The following TIAM2 variants were observed in gnomAD, a reference collection of about 807,000 sequenced individuals.
TIAM2 encodes TIAM Rac1 associated GEF 2.
TIAM2 carries 80 observed loss-of-function variants against 152.9 expected under a neutral mutation model. The ratio of observed to expected loss-of-function variants is 0.52; its 90% CI spans 0.44 to 0.63. The LOEUF (loss-of-function observed/expected upper bound fraction) is 0.63, where lower values mean the gene tolerates loss of function less well. Among genes scored for constraint, TIAM2 ranks in the 30% least tolerant of loss-of-function variants. The pLI is 0.00. For missense variants in TIAM2, 1,965 were observed against 2,120.1 expected, an observed-to-expected ratio of 0.93 and a Z score of 1.44; for synonymous variants, 804 against 838.0, an observed-to-expected ratio of 0.96 and a Z score of 0.70.
intron 1 of TIAM2, among the ~76,000 whole-genome samples, chr6:155,030,013 C>T (rs1334850311): frequency 2.0e-5 from 3 of 151,968 alleles, no homozygotes; most frequent in Non-Finnish European, 2.9e-5. Flanking sequence ...AGGCTGGTCT[C>T]GAACCCTGGG....
At chr6:155,236,288 G>T (rs1457205072) in intron 15 of TIAM2, among the ~76,000 whole-genome samples, 1 of 151,850 alleles carries the variant, frequency 6.6e-6, no homozygotes, top group Non-Finnish European at 1.5e-5. Flanking sequence ...AATCCAAGCA[G>T]AACGCGAGCT....
chr6:155,016,305 G>A (rs1778579595), intron 1 of TIAM2: 2 of 152,152 alleles, frequency 1.3e-5, no homozygotes, highest in Non-Finnish European at 2.9e-5. Flanking sequence ...GATGTCACAC[G>A]TCCATGCCTT....
In TIAM2 at chr6:155,129,966, C is replaced by T; in HGVS notation, c.743C>T (p.Ser248Phe). ...SKGSSLSSES[S>F]WYDSPWGNAG... Reference sequence around the variant, plus strand: ...GGCAGCTCCCTGAGTTCTGAGTCATCCTGGTACGACTCCCCTTGGGGCAAT... The same window carrying T: ...GGCAGCTCCCTGAGTTCTGAGTCATTCTGGTACGACTCCCCTTGGGGCAAT... Residue 248 changes from serine (S) to phenylalanine (F), a missense_variant, in exon 4 of 27, where the codon TCC (serine) becomes TTC (phenylalanine). By Grantham distance (155) the Ser-to-Phe change is radical (BLOSUM62 -2). Around this residue, in one of 3 missense-constraint regions of TIAM2, gnomAD observed 1,025 missense variants for 1,119.4 expected, o/e 0.92. Transcript: ENST00000682666. This position sits in a 1 kb window ranked among gnomAD's most constrained non-coding sequence, Gnocchi z 4.8. The T allele has an allele frequency of 6.2e-7, 1 of 1,614,102 alleles. No homozygotes were observed. The highest frequency in any genetic ancestry group is 1.6e-4 in the Middle Eastern group (1 of 6,062).
intron 9 of TIAM2, among the ~76,000 whole-genome samples, chr6:155,166,128 C>T (rs568691837): frequency 8.6e-5 from 13 of 151,718 alleles, no homozygotes; most frequent in Non-Finnish European, 1.8e-4. Flanking sequence ...TTTTGTCATC[C>T]CATTTTAGAG....
intron 19 of TIAM2, 90 bp from the exon 20 acceptor site, chr6:155,247,910 A>G (rs1783427905): frequency 1.4e-6 from 2 of 1,453,698 alleles, no homozygotes; most frequent in East Asian, 2.3e-5. Flanking sequence ...GGACTATAGA[A>G]ATAGATGATC....
chr6:155,010,785 C>T (rs1020965057), intron 1 of TIAM2, among the ~76,000 whole-genome samples: 1 of 150,672 alleles, frequency 6.6e-6, no homozygotes, highest in Non-Finnish European at 1.5e-5. Context: ...CGCGGTGGCT[C>T]ATGTTGGCCA....
At chr6:155,048,208 C>T (rs116435024) in intron 1 of TIAM2, among the ~76,000 whole-genome samples, 1,936 of 152,240 alleles carry the variant, frequency 0.013, 22 homozygotes, top group African/African-American at 0.031. Flanking sequence ...CTGACTTGGA[C>T]TCCTGAAGTG....
At chr6:155,073,100 A>G (rs1777876663) in intron 1 of TIAM2, among the ~76,000 whole-genome samples, 1 of 151,876 alleles carries the variant, frequency 6.6e-6, no homozygotes, top group Admixed American at 6.6e-5. Context: ...AGGACTTTAT[A>G]AAGAATTATC....
rs1460187107 is a variant in TIAM2 at position 155,118,968 on chromosome 6, C to T, written c.-117-8522C>T. ...GGCCATCTTTAAAAAAAAAAAAAAT[C>T]TTGTACTTACTGTCTGTATCTGAAG... On this transcript the variant is annotated intron_variant, in intron 2 of 26. Transcript: ENST00000682666. Among the ~76,000 whole-genome samples, 3 of 150,768 alleles carry T rather than the reference C, an allele frequency of 2.0e-5. No individual in the cohort carries two copies. In the East Asian group the frequency reaches 5.9e-4, roughly 29 times the overall value.
intron 2 of TIAM2, among the ~76,000 whole-genome samples, chr6:155,123,377 C>T (rs2115027029): frequency 6.6e-6 from 1 of 152,310 alleles, no homozygotes; most frequent in East Asian, 1.9e-4. Context: ...AGGATTCCCG[C>T]CCTTGGTCTG....
intron 21 of TIAM2, among the ~76,000 whole-genome samples, chr6:155,250,321 A>G (rs1020754495): frequency 7.4e-6 from 1 of 135,760 alleles, no homozygotes; most frequent in Admixed American, 7.7e-5. Flanking sequence ...AACATCAAAT[A>G]TTGGTGGTTA....
intron 2 of TIAM2, chr6:155,121,772 C>T (rs1296552967): frequency 2.0e-5 from 3 of 152,262 alleles, no homozygotes; most frequent in African/African-American, 7.2e-5. Flanking sequence ...GGTAGTAGCA[C>T]TTGCGCTTCC....
intron 18 of TIAM2, 40 bp from the exon 19 acceptor site, chr6:155,245,583 T>G (rs1404296318): frequency 5.2e-6 from 8 of 1,537,606 alleles, no homozygotes; most frequent in East Asian, 2.2e-5. Flanking sequence ...ACGCATTGAT[T>G]AAACCATGTC....
At chr6:155,251,803 T>C in intron 22 of TIAM2, 142 bp from the exon 23 acceptor site, 1 of 669,090 alleles carries the variant, frequency 1.5e-6, no homozygotes, top group Non-Finnish European at 2.6e-6. Flanking sequence ...GGAAGTACCA[T>C]TTATTCACTC....
chr6:155,018,125 C>T (rs1005343533), intron 1 of TIAM2, among the ~76,000 whole-genome samples: 1 of 151,714 alleles, frequency 6.6e-6, no homozygotes, highest in African/African-American at 2.4e-5. Flanking sequence ...GTAATCCTAG[C>T]ACTTTGGAGG....
At position 155,094,486 on chromosome 6, in the gene TIAM2, C is replaced by A. The variant is rs2114984477; in HGVS notation, c.-118+4107C>A. Reference sequence around the variant, plus strand: ...AGTATACTTGTAGAAGTCTAACTTGCAAACAAGTGGTTTCTGTGTCTTTAG... The same window carrying A: ...AGTATACTTGTAGAAGTCTAACTTGAAAACAAGTGGTTTCTGTGTCTTTAG... On this transcript the variant is annotated intron_variant, in intron 2 of 26. Transcript: ENST00000682666. Among the ~76,000 whole-genome samples the A allele has an allele frequency of 1.3e-5, 2 of 149,558 alleles. 1 individual carries two copies. Among genetic ancestry groups the A allele is most frequent in the South Asian group, 4.2e-4 (2 of 4,748 alleles).
chr6:155,002,747 C>A (rs1778333144), intron 1 of TIAM2, among the ~76,000 whole-genome samples: 1 of 150,552 alleles, frequency 6.6e-6, no homozygotes, highest in African/African-American at 2.4e-5. Flanking sequence ...GTGGTATGAT[C>A]TCAGCTCACT....
chr6:155,253,114 G>A (rs866119798), intron 24 of TIAM2, 61 bp downstream of exon 24: 9 of 1,401,230 alleles, frequency 6.4e-6, no homozygotes, highest in Middle Eastern at 3.5e-4. Flanking sequence ...ACTGTGGAAT[G>A]TAAATTAAGA....
rs951942756 is a variant in TIAM2, at chr6:155,183,466, A to T, written c.3030A>T (p.Glu1010Asp). The change falls in exon 14 of 27, where the codon GAA becomes GAT. Residue 1010 changes from glutamate to aspartate, a missense_variant. By Grantham distance (45) the Glu-to-Asp change is conservative (BLOSUM62 2). Coordinates refer to ENST00000682666, the MANE Select transcript of TIAM2 (RefSeq NM_012454.4). ...PPPNQSQLLE[E>D]FLDNFKKNTA... Reference sequence around the variant, plus strand: ...CTAACCAGTCCCAACTGCTGGAGGAATTCCTGGATAACTTTAAAAAGAATA... The same window carrying T: ...CTAACCAGTCCCAACTGCTGGAGGATTTCCTGGATAACTTTAAAAAGAATA... 2.5e-6 allele frequency: 4 copies of T among 1,613,510 alleles called. No individual in the cohort carries two copies. The highest frequency in any genetic ancestry group is 3.4e-6 in the Non-Finnish European group (4 of 1,179,910).
Sources: allele counts gnomAD v4.1 joint callset (sites outside exome capture counted in the v4.1 genomes callset), GRCh38; gene constraint gnomAD v4.1.1; regional missense constraint gnomAD v4.1.1; non-coding constraint Gnocchi (gnomAD v3.1); transcripts MANE v1.5; gene names NCBI Gene and HGNC (gene_info 2026-07-23, HGNC 2026-07-21).